The following EMC1 variants were observed in gnomAD, a reference collection of about 807,000 sequenced individuals.
The protein encoded by EMC1 is KIAA0090.
In EMC1, 103 loss-of-function variants were observed where a neutral mutation model predicts 128.8. The ratio of observed to expected loss-of-function variants is 0.80; its 90% CI spans 0.68 to 0.94. The LOEUF (loss-of-function observed/expected upper bound fraction) is 0.94. EMC1 is among the 40% of genes least tolerant of loss of function. EMC1 has a pLI of 0.00. For missense variants in EMC1, 1,083 were observed against 1,250.6 expected (o/e 0.87, Z 2.02); for synonymous variants, 442 against 490.4 (o/e 0.90, Z 1.30).
chr1:19,220,736 C>G (rs765690070), intron 21 of EMC1, 28 bp downstream of exon 21: 2 of 1,565,958 alleles, frequency 1.3e-6, no homozygotes, highest in South Asian at 2.3e-5. Flanking sequence ...AAGGTCAGAG[C>G]CTTCAGCACT....
chr1:19,235,647 G>GC (rs1471941007), intron 12 of EMC1, among the ~76,000 whole-genome samples: 1 of 152,138 alleles, frequency 6.6e-6, no homozygotes, highest in Non-Finnish European at 1.5e-5. Flanking sequence ...GTTGCAGTGA[G>GC]CCGAGATTGT....
At chr1:19,238,947 C>G in intron 9 of EMC1, 90 bp from the exon 10 acceptor site, 1 of 968,896 alleles carries the variant, frequency 1.0e-6, no homozygotes, top group Non-Finnish European at 1.7e-6. Context: ...CTTCTTAGCA[C>G]TTGAGAGAAG....
At position 19,222,792 on chromosome 1, in the gene EMC1, C is replaced by G. The variant is rs561638764; in HGVS notation, c.2419G>C (p.Val807Leu). The change falls in exon 20 of 23, where the codon GTA (valine) becomes CTA (leucine). Residue 807 changes from valine to leucine, a missense_variant. Physicochemically the swap from Val to Leu is conservative, Grantham distance 32. Coordinates refer to ENST00000477853, the MANE Select transcript of EMC1 (RefSeq NM_015047.3). ...NTKARRNEFTVLELYEGTEQY... is the reference protein window; with the variant it reads ...NTKARRNEFTLLELYEGTEQY... ...TCAGTGCCCTCATAGAGCTCCAGTACGGTAAACTCGTTGCGCCGAGCCTTG... is the reference window on the plus strand; with the variant it reads ...TCAGTGCCCTCATAGAGCTCCAGTAGGGTAAACTCGTTGCGCCGAGCCTTG... 6.8e-6 allele frequency: 11 copies of G among 1,613,390 alleles called. No homozygotes were observed.
At position 19,235,177 on chromosome 1, in the gene EMC1, A is replaced by AG. The variant is rs1426999879; in HGVS notation, c.1384dup (p.Leu462ProfsTer47). The AG allele has an allele frequency of 6.2e-7, 1 of 1,614,080 alleles. No individual in the cohort carries two copies. The highest frequency in any genetic ancestry group is 1.3e-5 in the African/African-American group (1 of 75,058). ...TTCCAGCTCGGCCTGTGCCCCAGTC[A>AG]GGGGGAGGTCCACCATCTCTAGGCA... On this transcript the variant is annotated frameshift_variant, in exon 13 of 23. Coordinates refer to ENST00000477853, the MANE Select transcript of EMC1 (RefSeq NM_015047.3). LOFTEE classifies it high-confidence loss of function.
chr1:19,239,255 T>C lies in EMC1; in HGVS notation c.1002A>G (p.Ala334=). 6.2e-7 allele frequency: 1 copy of C among 1,614,162 alleles called. No individual in the cohort carries two copies. ...FATTGEKTVA[A]VMACRNEVQK... ...CCACTTCATTCCGACAGGCCATGAC[T>C]GCAGCCACCGTCTTCTCCCCAGTGG... The change falls in exon 9 of 23, where the codon GCA becomes GCG. Residue 334 remains alanine, a synonymous_variant. Transcript: ENST00000477853.
chr1:19,223,525 G>A lies in EMC1; in HGVS notation c.2247C>T (p.Asp749=), dbSNP rs762051208. ...NLLAVVTEST[D]AHHERTFIGI... ...CAATAAAGGTGCGCTCATGGTGCGCGTCTGTGCTCTCTGTCACCACGGCCA... is the reference window on the plus strand; with the variant it reads ...CAATAAAGGTGCGCTCATGGTGCGCATCTGTGCTCTCTGTCACCACGGCCA... The change falls in exon 19 of 23, where the codon GAC becomes GAT. Residue 749 remains aspartate (D), a synonymous_variant. Coordinates refer to ENST00000477853, the MANE Select transcript of EMC1 (RefSeq NM_015047.3). The A allele has an allele frequency of 3.5e-5, 56 of 1,614,014 alleles. No individual in the cohort carries two copies. Among genetic ancestry groups the A allele is most frequent in the Admixed American group, 3.0e-4 (18 of 60,004 alleles).
At position 19,220,761 on chromosome 1, in the gene EMC1, C is replaced by T; in HGVS notation, c.2672+3G>A. On this transcript the variant is annotated splice_donor_region_variant and intron_variant, in intron 21 of 22. Coordinates refer to ENST00000477853, the MANE Select transcript of EMC1 (RefSeq NM_015047.3). ...CCTTCAGCACTGCCCATGAGGGTCT[C>T]ACCTGCTTTGTTCTGTTGGGATCTC... 6.2e-7 allele frequency: 1 copy of T among 1,612,108 alleles called. No individual in the cohort carries two copies. The highest frequency in any genetic ancestry group is 2.2e-5 in the East Asian group (1 of 44,838).
chr1:19,222,083 T>C (rs1571972079), intron 20 of EMC1, among the ~76,000 whole-genome samples: 1 of 151,678 alleles, frequency 6.6e-6, no homozygotes, highest in Non-Finnish European at 1.5e-5. Context: ...ACAGGCTAGC[T>C]ATGTTAACAA....
chr1:19,244,713 C>T (rs574525563), intron 2 of EMC1, 193 bp downstream of exon 2: 15 of 539,350 alleles, frequency 2.8e-5, no homozygotes, highest in South Asian at 6.8e-5. Flanking sequence ...GAGAACAAAC[C>T]GCAAAGGTCA....
chr1:19,237,115 A>T, intron 12 of EMC1, 27 bp downstream of exon 12: 1 of 1,550,540 alleles, frequency 6.4e-7, no homozygotes, highest in Non-Finnish European at 8.9e-7. Flanking sequence ...GGGAAATAAA[A>T]AAATGGGTTG....
rs1356243077 is a variant in EMC1, at chr1:19,232,744, G to A, written c.1662C>T (p.Thr554=). ...TGGGTAGATACTGTTTCCACAGGAT[G>A]GTGCCAGAGCTGCTCTCAATGCCAA... ...KLFGIESSSG[T]ILWKQYLPNV... is the part of the protein sequence containing the mutation. The change falls in exon 15 of 23, where the codon ACC becomes ACT. Residue 554 remains threonine (T), a synonymous_variant. Coordinates refer to ENST00000477853, the MANE Select transcript of EMC1 (RefSeq NM_015047.3). The A allele has an allele frequency of 9.3e-6, 15 of 1,614,152 alleles. No individual in the cohort carries two copies. The highest frequency in any genetic ancestry group is 1.2e-5 in the Non-Finnish European group (14 of 1,180,012).
chr1:19,240,616 CTCCTGAGAGCCT>C, intron 6 of EMC1, 170 bp from the exon 7 acceptor site: 1 of 649,488 alleles, frequency 1.5e-6, no homozygotes, highest in Admixed American at 3.0e-5. Flanking sequence ...ACCCTCCAAC[CTCCTGAGAGCCT>C]TCAAAGTTGG....
rs777684249 is a variant in EMC1 at position 19,220,786 on chromosome 1, C to T, written c.2650G>A (p.Glu884Lys). The change falls in exon 21 of 23, where the codon GAG (glutamate) becomes AAG (lysine). Residue 884 changes from glutamate to lysine, a missense_variant. Around this residue, in one of 3 missense-constraint regions of EMC1, gnomAD observed 527 missense variants for 644.1 expected, o/e 0.82. Coordinates refer to ENST00000477853, the MANE Select transcript of EMC1 (RefSeq NM_015047.3). ...CACCTGCTTTGTTCTGTTGGGATCTCGGGGCGGCGGGGATCCAGCAAAGCC... is the reference window on the plus strand; with the variant it reads ...CACCTGCTTTGTTCTGTTGGGATCTTGGGGCGGCGGGGATCCAGCAAAGCC... ...PKALLDPRRP[E>K]IPTEQSREEN... 12 of 1,613,644 alleles carry T rather than the reference C, an allele frequency of 7.4e-6. No individual in the cohort carries two copies. In the South Asian group the frequency reaches 8.8e-5, roughly 12 times the overall value.
At position 19,219,658 on chromosome 1, in the gene EMC1, G is replaced by C. The variant is rs374950905; in HGVS notation, c.2713C>G (p.His905Asp). 25 of 1,614,074 alleles carry C rather than the reference G, an allele frequency of 1.5e-5. No homozygotes were observed. Among genetic ancestry groups the C allele is most frequent in the Non-Finnish European group, 1.9e-5 (23 of 1,179,990 alleles). The change falls in exon 22 of 23, where the codon CAC becomes GAC. Residue 905 changes from histidine (H) to aspartate (D), a missense_variant. By Grantham distance (81) the His-to-Asp change is moderately conservative. Coordinates refer to ENST00000477853, the MANE Select transcript of EMC1 (RefSeq NM_015047.3). The stretch of plus-strand genomic sequence containing the variant: ...TTATAGTTGATGAATCGCTCTGCGT[G>C]TATCTGTACATCTGGAGAATACGGG... ...LIPYSPDVQIHAERFINYNQT... is the reference protein window; with the variant it reads ...LIPYSPDVQIDAERFINYNQT...
At chr1:19,240,498 C>T (rs778578692) in intron 6 of EMC1, 52 bp from the exon 7 acceptor site, 1 of 1,601,218 alleles carries the variant, frequency 6.2e-7, no homozygotes, top group African/African-American at 1.3e-5. Flanking sequence ...TTTACATTTC[C>T]CTCTCAGCCC....
chr1:19,233,865 T>C (rs1159295054), intron 13 of EMC1, among the ~76,000 whole-genome samples: 2 of 152,186 alleles, frequency 1.3e-5, no homozygotes, highest in Non-Finnish European at 2.9e-5. Context: ...ATCTGTAAAG[T>C]GGCATGTAAC....
chr1:19,244,048 A>G (rs1229971217), intron 2 of EMC1, 33 bp from the exon 3 acceptor site: 1 of 1,609,964 alleles, frequency 6.2e-7, no homozygotes, highest in Non-Finnish European at 8.5e-7. Context: ...ATTACTATGA[A>G]CAAAAGGTGG....
rs1235502428 is a variant in EMC1, at chr1:19,235,179, G to A, written c.1383C>T (p.Pro461=). 6.2e-7 allele frequency: 1 copy of A among 1,613,956 alleles called. No homozygotes were observed. The highest frequency in any genetic ancestry group is 1.3e-5 in the African/African-American group (1 of 74,944). ...EVVCLEMVDL[P]LTGAQAELEG... ...CCAGCTCGGCCTGTGCCCCAGTCAG[G>A]GGGAGGTCCACCATCTCTAGGCACA... Residue 461 remains proline (P), a synonymous_variant, in exon 13 of 23, where the codon CCC becomes CCT. Coordinates refer to ENST00000477853, the MANE Select transcript of EMC1 (RefSeq NM_015047.3).
In EMC1 at chr1:19,219,451, G is replaced by A. The variant is rs961387374; in HGVS notation, c.2834C>T (p.Thr945Ile). ...VVAYGLDIYQ[T>I]RVYPSKQFDV... Reference sequence around the variant, plus strand: ...AAACTGCTTGGATGGGTAGACTCGAGTTTGGTAAATGTCCAAACCATAGGC... The same window carrying A: ...AAACTGCTTGGATGGGTAGACTCGAATTTGGTAAATGTCCAAACCATAGGC... Residue 945 changes from threonine (T) to isoleucine (I), a missense_variant, in exon 23 of 23, where the codon ACT becomes ATT. Thr to Ile is a moderately conservative substitution (Grantham distance 89). Coordinates refer to ENST00000477853, the MANE Select transcript of EMC1 (RefSeq NM_015047.3). The A allele has an allele frequency of 5.0e-6, 8 of 1,613,944 alleles. No individual in the cohort carries two copies. The Admixed American group carries it at 1.0e-4, about 20-fold the overall frequency.
Sources: allele counts gnomAD v4.1 joint callset (sites outside exome capture counted in the v4.1 genomes callset), GRCh38; gene constraint gnomAD v4.1.1; regional missense constraint gnomAD v4.1.1; transcripts MANE v1.5; gene names NCBI Gene and HGNC (gene_info 2026-07-23, HGNC 2026-07-21).